FRMD6: variants seen among roughly 807,000 people sequenced by gnomAD.
The protein encoded by FRMD6 is FERM domain-containing protein 6.
Under a neutral mutation model 73.2 loss-of-function variants are expected in FRMD6, and 37 were observed. The observed-to-expected ratio is 0.51, with a 90% CI of 0.39 to 0.66. FRMD6 has a LOEUF of 0.66. Among genes scored for constraint, FRMD6 ranks in the 30% least tolerant of loss-of-function variants. The probability of loss-of-function intolerance (pLI) is 0.00; values close to 1 mark genes in which losing one functional copy is unlikely to be tolerated. For missense variants in FRMD6, 714 were observed against 780.5 expected, an observed-to-expected ratio of 0.91 and a Z score of 1.02; for synonymous variants, 273 against 282.2, an observed-to-expected ratio of 0.97 and a Z score of 0.33.
chr14:51,563,150 G>C (rs1887573956), intron 1 of FRMD6, among the ~76,000 whole-genome samples: 1 of 152,198 alleles, frequency 6.6e-6, no homozygotes, highest in South Asian at 2.1e-4. Flanking sequence ...CCCAGAGTGA[G>C]TATCCCAGGA....
At chr14:51,436,264 G>A in the FRMD6 span, 16 of 363,360 alleles carry the variant, frequency 4.4e-5, no homozygotes, top group South Asian at 1.2e-4. Context: ...AACAAACTCC[G>A]TAAATAATTT....
the FRMD6 span, chr14:51,436,702 T>C: frequency 7.6e-6 from 4 of 528,932 alleles, no homozygotes; most frequent in Admixed American, 2.6e-5. Context: ...TCATCAAAGA[T>C]GATATTTGGC....
At chr14:51,435,118 T>C in the FRMD6 span, among the ~76,000 whole-genome samples, 10 of 152,170 alleles carry the variant, frequency 6.6e-5, 1 homozygote, top group Admixed American at 6.5e-4. Context: ...GCAAAATTAT[T>C]TCAACAGCGT....
intron 1 of FRMD6, among the ~76,000 whole-genome samples, chr14:51,502,013 T>A (rs1194097523): frequency 6.6e-6 from 1 of 152,198 alleles, no homozygotes; most frequent in Non-Finnish European, 1.5e-5. Context: ...GTTGGCCACA[T>A]GTATGTCTTC....
intron 2 of FRMD6, among the ~76,000 whole-genome samples, chr14:51,587,992 T>C (rs910991345): frequency 6.6e-6 from 1 of 152,148 alleles, no homozygotes; most frequent in African/African-American, 2.4e-5. Flanking sequence ...ATTTTAGCTA[T>C]TTTTCCCCCA....
At chr14:51,548,881 A>G (rs954919553) in intron 1 of FRMD6, among the ~76,000 whole-genome samples, 1 of 152,202 alleles carries the variant, frequency 6.6e-6, no homozygotes, top group Admixed American at 6.5e-5. Flanking sequence ...TTAGAGATGG[A>G]AAATCTTGGC....
At chr14:51,416,248 G>A in the FRMD6 span, among the ~76,000 whole-genome samples, 1 of 152,106 alleles carries the variant, frequency 6.6e-6, no homozygotes, top group African/African-American at 2.4e-5. Flanking sequence ...TGATGTTAGG[G>A]TGTCAATTTT....
At chr14:51,712,211 T>A (rs1202042240) in intron 8 of FRMD6, among the ~76,000 whole-genome samples, 1 of 152,224 alleles carries the variant, frequency 6.6e-6, no homozygotes, top group Non-Finnish European at 1.5e-5. Flanking sequence ...CTTGAATACC[T>A]GAGTCCTTTG....
At chr14:51,523,735 C>A (rs1885075010) in intron 1 of FRMD6, among the ~76,000 whole-genome samples, 1 of 152,148 alleles carries the variant, frequency 6.6e-6, no homozygotes, top group Non-Finnish European at 1.5e-5. Context: ...GCCTCTAGCA[C>A]CTAAGTCTTA....
chr14:51,523,552 C>T (rs949814807), intron 1 of FRMD6, among the ~76,000 whole-genome samples: 5 of 152,166 alleles, frequency 3.3e-5, no homozygotes, highest in South Asian at 4.1e-4. Flanking sequence ...ACCCAGTGCT[C>T]GTGACATGGT....
chr14:51,475,518 T>C, the FRMD6 span, among the ~76,000 whole-genome samples: 1 of 152,196 alleles, frequency 6.6e-6, no homozygotes, highest in Non-Finnish European at 1.5e-5. Context: ...TTTCTTTTCC[T>C]CTCTACATAC....
At chr14:51,703,432 C>T (rs1276441613) in intron 5 of FRMD6, among the ~76,000 whole-genome samples, 1 of 151,842 alleles carries the variant, frequency 6.6e-6, no homozygotes, top group African/African-American at 2.4e-5. Context: ...TTTATCAATG[C>T]CAGATGCAAA....
chr14:51,404,795 G>A, the FRMD6 span, among the ~76,000 whole-genome samples: 2 of 151,856 alleles, frequency 1.3e-5, no homozygotes, highest in Non-Finnish European at 1.5e-5. Context: ...TTTATTTTAG[G>A]TTTGGCAGTA....
chr14:51,615,914 C>T (rs1890689736), intron 2 of FRMD6, among the ~76,000 whole-genome samples: 1 of 152,190 alleles, frequency 6.6e-6, no homozygotes, highest in Non-Finnish European at 1.5e-5. Flanking sequence ...ACTAGAGATA[C>T]AGGTAGAGGT....
intron 2 of FRMD6, among the ~76,000 whole-genome samples, chr14:51,591,490 G>T (rs1889393646): frequency 6.6e-6 from 1 of 152,156 alleles, no homozygotes; most frequent in Non-Finnish European, 1.5e-5. Context: ...TTTTTACAAA[G>T]AAATAAAACA....
intron 2 of FRMD6, among the ~76,000 whole-genome samples, chr14:51,603,081 A>G (rs2139816167): frequency 6.6e-6 from 1 of 152,350 alleles, no homozygotes; most frequent in Middle Eastern, 3.4e-3. Flanking sequence ...GTGCCCTTAT[A>G]AAAGAGACTC....
In FRMD6 at chr14:51,602,627, T is replaced by A. The variant is rs372077952; in HGVS notation, c.-147+32217T>A. ...GTGCTATGATGGCATGGCTGAGTAG[T>A]TTTGACAGAGACTGTATGGCCCAAA... On this transcript the variant is annotated intron_variant, in intron 2 of 14. Transcript: ENST00000356218. Among the ~76,000 whole-genome samples, 48 of 152,322 alleles carry A rather than the reference T, an allele frequency of 3.2e-4. No individual in the cohort carries two copies. In the South Asian group the frequency reaches 1.0e-2, roughly 32 times the overall value.
At chr14:51,613,650 G>A (rs1420733422) in intron 2 of FRMD6, among the ~76,000 whole-genome samples, 1 of 151,930 alleles carries the variant, frequency 6.6e-6, no homozygotes, top group Non-Finnish European at 1.5e-5. Flanking sequence ...CCCGGTGCTG[G>A]GCTTGATTCA....
intron 1 of FRMD6, among the ~76,000 whole-genome samples, chr14:51,668,257 A>G (rs1268476675): frequency 3.3e-5 from 5 of 152,172 alleles, no homozygotes; most frequent in Admixed American, 6.6e-5. Flanking sequence ...ATGATTACAT[A>G]TTATACATTT....
Sources: allele counts gnomAD v4.1 joint callset (sites outside exome capture counted in the v4.1 genomes callset), GRCh38; gene constraint gnomAD v4.1.1; transcripts MANE v1.5; gene names NCBI Gene and HGNC (gene_info 2026-07-23, HGNC 2026-07-21).